The following GBA1 variants were observed in gnomAD, a reference collection of about 807,000 sequenced individuals.
GBA1 encodes the protein lysosomal acid glucosylceramidase.
the GBA1 span, chr1:155,240,292 C>T: frequency 3.1e-5 from 19 of 606,882 alleles, no homozygotes; most frequent in South Asian, 4.0e-5. Context: ...GGTGAAACCC[C>T]GTCTCTACTA....
the GBA1 span, among the ~76,000 whole-genome samples, chr1:155,236,751 TTGTGTGTGTA>T: frequency 5.3e-5 from 8 of 151,388 alleles, no homozygotes; most frequent in African/African-American, 7.3e-5. Flanking sequence ...CCCAGCTAAT[TTGTGTGTGTA>T]TGTGTGTGTA....
At chr1:155,237,283 A>G in the GBA1 span, 1 of 1,613,210 alleles carries the variant, frequency 6.2e-7, no homozygotes, top group Non-Finnish European at 8.5e-7. Context: ...TTTGGGAGCC[A>G]GTCATTTGGA....
the GBA1 span, chr1:155,238,595 G>A: frequency 6.2e-7 from 1 of 1,613,618 alleles, no homozygotes; most frequent in Non-Finnish European, 8.5e-7. Context: ...AGGTGTAGGT[G>A]CGGATGGAGA....
chr1:155,239,035 A>G, the GBA1 span: 2 of 324,954 alleles, frequency 6.2e-6, no homozygotes, highest in South Asian at 2.6e-5. Context: ...TGGCCAACAT[A>G]GTGAAACCCT....
chr1:155,239,530 A>T, the GBA1 span: 1 of 1,447,728 alleles, frequency 6.9e-7, no homozygotes, highest in Non-Finnish European at 9.6e-7. Context: ...GCAGAGTGAG[A>T]TTCTGCCTCA....
chr1:155,236,664 T>C, the GBA1 span, among the ~76,000 whole-genome samples: 3 of 151,878 alleles, frequency 2.0e-5, no homozygotes, highest in Non-Finnish European at 4.4e-5. Context: ...CACGACTCAC[T>C]GCAGCCTTGA....
chr1:155,236,464 CAGT>C, the GBA1 span: 1 of 1,613,430 alleles, frequency 6.2e-7, no homozygotes, highest in Non-Finnish European at 8.5e-7. Flanking sequence ...CTGGGTCTGT[CAGT>C]ACCTGCAAAG....
At chr1:155,242,886 C>T in the GBA1 span, among the ~76,000 whole-genome samples, 1 of 152,212 alleles carries the variant, frequency 6.6e-6, no homozygotes, top group African/African-American at 2.4e-5. Context: ...AGCCACCACA[C>T]CCGGTCCCTC....
chr1:155,240,160 G>T, the GBA1 span: 1 of 1,360,002 alleles, frequency 7.4e-7, no homozygotes, highest in Non-Finnish European at 1.0e-6. Context: ...ACTGAACACG[G>T]TTTCAAAATT....
At chr1:155,244,450 C>A in the GBA1 span, 3 of 152,116 alleles carry the variant, frequency 2.0e-5, no homozygotes, top group African/African-American at 4.8e-5. Flanking sequence ...AGGTTAAGTG[C>A]GAACGCAGGG....
the GBA1 span, among the ~76,000 whole-genome samples, chr1:155,237,177 A>G: frequency 2.6e-5 from 4 of 152,142 alleles, no homozygotes; most frequent in Non-Finnish European, 4.4e-5. Flanking sequence ...GCCCCTAGAA[A>G]GGTTTCAAGC....
chr1:155,238,308 T>C, the GBA1 span: 2 of 1,570,968 alleles, frequency 1.3e-6, no homozygotes, highest in Non-Finnish European at 1.7e-6. Flanking sequence ...CAGGGGTATC[T>C]AGAGACAAAG....
the GBA1 span, chr1:155,237,470 G>A: frequency 3.7e-6 from 6 of 1,614,016 alleles, no homozygotes; most frequent in Non-Finnish European, 5.1e-6. Flanking sequence ...GTTCAGGGGT[G>A]AAGCCCAGGC....
At chr1:155,235,630 G>A in the GBA1 span, 6 of 1,524,478 alleles carry the variant, frequency 3.9e-6, no homozygotes, top group African/African-American at 1.4e-5. Context: ...GCCATCCGAT[G>A]TAGGAGATGA....
chr1:155,240,637 C>T, the GBA1 span: 1 of 1,613,372 alleles, frequency 6.2e-7, no homozygotes, highest in Admixed American at 1.7e-5. Flanking sequence ...CACCTGATGC[C>T]CACGACACTG....
chr1:155,237,088 C>T, the GBA1 span, among the ~76,000 whole-genome samples: 1 of 151,790 alleles, frequency 6.6e-6, no homozygotes, highest in African/African-American at 2.4e-5. Context: ...CCAGGGTGGT[C>T]TTAAACTCCT....
the GBA1 span, among the ~76,000 whole-genome samples, chr1:155,241,953 A>G: frequency 4.6e-5 from 7 of 152,200 alleles, no homozygotes; most frequent in Non-Finnish European, 5.9e-5. Flanking sequence ...GTCGTTCAAA[A>G]ACCAAAGTGT....
chr1:155,242,991 A>C, the GBA1 span, among the ~76,000 whole-genome samples: 1 of 152,202 alleles, frequency 6.6e-6, no homozygotes, highest in African/African-American at 2.4e-5. Flanking sequence ...AATCACTCTA[A>C]GCCTCTGTTT....
At chr1:155,239,249 G>C in the GBA1 span, among the ~76,000 whole-genome samples, 1 of 151,462 alleles carries the variant, frequency 6.6e-6, no homozygotes, top group Admixed American at 6.6e-5. Context: ...AAAAGTGTCT[G>C]CTGGGCTCGG....
Sources: gnomAD v4.1 joint callset for allele counts (sites outside exome capture counted in the v4.1 genomes callset) on GRCh38, gnomAD v4.1.1 for gene constraint, MANE v1.5 for transcripts, NCBI Gene and HGNC (gene_info 2026-07-23, HGNC 2026-07-21) for gene names.